The following CTNNA2 variants were observed in gnomAD, a reference collection of about 807,000 sequenced individuals.
CTNNA2 encodes the protein catenin alpha-2.
CTNNA2 carries 42 observed loss-of-function variants against 101.0 expected under a neutral mutation model. That is an observed-to-expected ratio of 0.42 (90% CI 0.32 to 0.54). The LOEUF (loss-of-function observed/expected upper bound fraction) is 0.54. CTNNA2 is among the 20% of genes least tolerant of loss of function. The pLI, the probability that CTNNA2 is intolerant of heterozygous loss-of-function variation, is 0.14. For missense variants in CTNNA2, 871 were observed against 1,223.1 expected (o/e 0.71, Z 4.29); for synonymous variants, 450 against 456.4 (o/e 0.99, Z 0.18).
chr2:79,279,643 T>C (rs1360966832), intron 2 of CTNNA2, among the ~76,000 whole-genome samples: 1 of 152,116 alleles, frequency 6.6e-6, no homozygotes, highest in East Asian at 1.9e-4. Context: ...ACAGAATGCA[T>C]TGAGTCTGTC....
intron 9 of CTNNA2, among the ~76,000 whole-genome samples, chr2:80,520,301 T>A (rs1689430612): frequency 6.6e-6 from 1 of 151,564 alleles, no homozygotes; most frequent in South Asian, 2.1e-4. Context: ...GCCTGTGCCA[T>A]CCCCTTTTCA....
intron 4 of CTNNA2, among the ~76,000 whole-genome samples, chr2:79,443,580 A>G (rs1338892967): frequency 6.6e-6 from 1 of 152,150 alleles, no homozygotes; most frequent in Admixed American, 6.6e-5. Flanking sequence ...TCAAGTTGAC[A>G]CATGGAATTA....
At chr2:79,448,117 A>G (rs1209203376) in intron 4 of CTNNA2, among the ~76,000 whole-genome samples, 3 of 152,088 alleles carry the variant, frequency 2.0e-5, no homozygotes, top group Admixed American at 6.6e-5. Context: ...TATATAACAC[A>G]TAAATCTAGA....
intron 2 of CTNNA2, among the ~76,000 whole-genome samples, chr2:79,669,515 G>A (rs895312662): frequency 1.3e-5 from 2 of 152,162 alleles, no homozygotes; most frequent in African/African-American, 4.8e-5. Context: ...TTTATTTAGT[G>A]TTAGACGAGC....
At chr2:79,908,278 T>C (rs1186552401) in intron 6 of CTNNA2, among the ~76,000 whole-genome samples, 1 of 152,212 alleles carries the variant, frequency 6.6e-6, no homozygotes, top group African/African-American at 2.4e-5. Context: ...TTTGTAAATA[T>C]GGTAAATTGT....
chr2:80,075,964 G>T (rs1404216950), intron 7 of CTNNA2, among the ~76,000 whole-genome samples: 5 of 151,730 alleles, frequency 3.3e-5, no homozygotes, highest in South Asian at 2.1e-4. Flanking sequence ...GGAAAGGAGT[G>T]CTAGGTAGTT....
intron 18 of CTNNA2, among the ~76,000 whole-genome samples, chr2:80,628,065 A>AG (rs1671870853): frequency 1.3e-5 from 2 of 152,150 alleles, no homozygotes; most frequent in Admixed American, 6.6e-5. Flanking sequence ...AGGGATATAA[A>AG]GGACCTCTTC....
intron 2 of CTNNA2, among the ~76,000 whole-genome samples, chr2:79,684,631 CTG>C (rs1683810443): frequency 6.6e-6 from 1 of 152,104 alleles, no homozygotes; most frequent in African/African-American, 2.4e-5. Context: ...CAATACTTTA[CTG>C]TGTTATTTGA....
rs527537596 is a variant in CTNNA2 at position 80,037,726 on chromosome 2, T to C, written c.1056+127929T>C. Among the ~76,000 whole-genome samples, 4 of 152,314 alleles carry C rather than the reference T, an allele frequency of 2.6e-5. No homozygotes were observed. In the South Asian group the frequency reaches 8.3e-4, roughly 32 times the overall value. ...CAATGGTTCAATAAATGTTAGCTTT[T>C]TATGAAAATCTAAGTTAAACTTGGC... On this transcript the variant is annotated intron_variant, in intron 7 of 18. Coordinates refer to ENST00000402739, the MANE Select transcript of CTNNA2 (RefSeq NM_001282597.3).
chr2:80,020,700 G>A (rs1474815486), intron 7 of CTNNA2, among the ~76,000 whole-genome samples: 2 of 152,098 alleles, frequency 1.3e-5, no homozygotes, highest in Admixed American at 1.3e-4. Flanking sequence ...GGTTTCTTGT[G>A]TTCTCGTCTT....
rs77664619 is a variant in CTNNA2, at chr2:80,502,819, A to C, written c.1291-42163A>C. Among the ~76,000 whole-genome samples, 1,204 of 152,242 alleles carry C rather than the reference A, an allele frequency of 7.9e-3. 17 individuals carry two copies. The highest frequency in any genetic ancestry group is 0.027 in the African/African-American group (1,131 of 41,522). The stretch of plus-strand genomic sequence containing the variant: ...GCCCTCCTTGGTCTTGGCTGGGGTG[A>C]GAACCTTCTTCCCGAGTCATTCATT... On this transcript the variant is annotated intron_variant, in intron 9 of 18. Coordinates refer to ENST00000402739, the MANE Select transcript of CTNNA2 (RefSeq NM_001282597.3).
chr2:79,413,973 A>AT, intron 4 of CTNNA2, among the ~76,000 whole-genome samples: 1 of 125,408 alleles, frequency 8.0e-6, no homozygotes, highest in Non-Finnish European at 1.7e-5. Context: ...ATATATATAT[A>AT]AGCTTTTTAG....
rs1218214509 is a variant in CTNNA2 at position 80,619,020 on chromosome 2, T to C, written c.2431-65T>C. 6.3e-6 allele frequency: 6 copies of C among 958,566 alleles called. No individual in the cohort carries two copies. The African/African-American group carries it at 1.0e-4, about 16-fold the overall frequency. The allele number at this position is 958,566 out of a possible 1,614,324, so 59.4% of individuals were successfully genotyped here. ...CTCCCTAATCCCTTCCCAAGTAGGG[T>C]ACTTTTTTTTTTTTTCTTTTGCTCT... On this transcript the variant is annotated intron_variant, in intron 17 of 18. Transcript: ENST00000402739.
At chr2:80,109,198 C>T (rs900095444) in intron 7 of CTNNA2, among the ~76,000 whole-genome samples, 9 of 152,318 alleles carry the variant, frequency 5.9e-5, no homozygotes, top group African/African-American at 1.7e-4. Flanking sequence ...TGGTGGCTCA[C>T]GCCTGTAATC....
At chr2:80,401,610 T>C (rs989774761) in intron 8 of CTNNA2, among the ~76,000 whole-genome samples, 1 of 152,136 alleles carries the variant, frequency 6.6e-6, no homozygotes, top group Non-Finnish European at 1.5e-5. Context: ...TGAATTCCAC[T>C]GTCTTTGTTT....
At chr2:80,418,737 A>ACAG (rs1375705751) in intron 8 of CTNNA2, among the ~76,000 whole-genome samples, 6 of 152,168 alleles carry the variant, frequency 3.9e-5, no homozygotes, top group Admixed American at 1.3e-4. Context: ...TATGAACAAA[A>ACAG]CAGCACCAAG....
intron 7 of CTNNA2, among the ~76,000 whole-genome samples, chr2:80,026,236 C>CA (rs1293956779): frequency 2.0e-5 from 3 of 152,142 alleles, no homozygotes; most frequent in African/African-American, 7.2e-5. Flanking sequence ...TGCAGAAAAA[C>CA]AGAGAGGCCG....
chr2:79,250,170 A>G (rs1674751564), intron 2 of CTNNA2, among the ~76,000 whole-genome samples: 1 of 152,160 alleles, frequency 6.6e-6, no homozygotes, highest in African/African-American at 2.4e-5. Flanking sequence ...AAGATTAGGT[A>G]TGCTTCCACC....
At chr2:79,189,753 G>A (rs571081050) in intron 1 of CTNNA2, among the ~76,000 whole-genome samples, 17 of 152,276 alleles carry the variant, frequency 1.1e-4, no homozygotes, top group Admixed American at 3.3e-4. Context: ...GGATATAGGG[G>A]CCATTTCTTC....
Sources: gnomAD v4.1 joint callset for allele counts (sites outside exome capture counted in the v4.1 genomes callset) on GRCh38, gnomAD v4.1.1 for gene constraint, MANE v1.5 for transcripts, NCBI Gene and HGNC (gene_info 2026-07-23, HGNC 2026-07-21) for gene names.